The following ANKS1B variants were observed in gnomAD, a reference collection of about 807,000 sequenced individuals.
ANKS1B encodes ankyrin repeat and sterile alpha motif domain containing 1B, also known as ankyrin repeat and sterile alpha motif domain-containing protein 1B.
In ANKS1B, 36 loss-of-function variants were observed where a neutral mutation model predicts 148.3. That is an observed-to-expected ratio of 0.24 (90% confidence interval 0.19 to 0.32). The LOEUF (loss-of-function observed/expected upper bound fraction) is 0.32. ANKS1B is among the 10% of genes least tolerant of loss of function. The pLI is 1.00. For synonymous variants in ANKS1B, 542 were observed against 560.8 expected (o/e 0.97, Z 0.47); for missense variants, 1,157 against 1,542.6 (o/e 0.75, Z 4.19).
At chr12:99,704,450 C>T (rs11110008) in intron 8 of ANKS1B, among the ~76,000 whole-genome samples, 29,186 of 151,990 alleles carry the variant, frequency 0.19, 3,433 homozygotes, top group East Asian at 0.51. Flanking sequence ...TTCTCTGAAA[C>T]AGTCTAGAAA....
At chr12:99,958,810 G>A (rs1445554029) in intron 1 of ANKS1B, among the ~76,000 whole-genome samples, 1 of 152,146 alleles carries the variant, frequency 6.6e-6, no homozygotes, top group Non-Finnish European at 1.5e-5. Context: ...AAAACGTCAG[G>A]CATGGCTCTA....
chr12:99,764,361 T>C (rs888688192), intron 8 of ANKS1B, among the ~76,000 whole-genome samples: 2 of 152,176 alleles, frequency 1.3e-5, no homozygotes, highest in African/African-American at 4.8e-5. Context: ...GTAGGGATAA[T>C]ATATATAGAC....
chr12:99,094,268 GT>G (rs1304929469), intron 15 of ANKS1B, among the ~76,000 whole-genome samples: 1 of 152,154 alleles, frequency 6.6e-6, no homozygotes, highest in Non-Finnish European at 1.5e-5. Flanking sequence ...ATTTAGCAAA[GT>G]TTTACTATAT....
At chr12:99,207,399 T>C (rs972887690) in intron 14 of ANKS1B, among the ~76,000 whole-genome samples, 2 of 150,570 alleles carry the variant, frequency 1.3e-5, no homozygotes, top group Non-Finnish European at 3.0e-5. Context: ...ATATCAGTCA[T>C]TCTTAACAAA....
At chr12:99,679,029 T>G (rs2098598625) in intron 8 of ANKS1B, among the ~76,000 whole-genome samples, 1 of 152,156 alleles carries the variant, frequency 6.6e-6, no homozygotes, top group African/African-American at 2.4e-5. Context: ...TAAAGTTCAG[T>G]TGAGAAAATG....
intron 12 of ANKS1B, among the ~76,000 whole-genome samples, chr12:99,299,258 G>A (rs1045823467): frequency 4.0e-5 from 6 of 151,872 alleles, no homozygotes; most frequent in East Asian, 1.9e-4. Context: ...ACGAGGTCTC[G>A]CTATGTTGTC....
intron 4 of ANKS1B, among the ~76,000 whole-genome samples, chr12:99,805,286 A>AAAAAAAAAAAAAAAAAAC (rs2067489354): frequency 1.3e-5 from 2 of 149,214 alleles, no homozygotes; most frequent in Non-Finnish European, 3.0e-5. Context: ...AAAAAAAAAA[A>AAAAAAAAAAAAAAAAAAC]AAGACTAACC....
chr12:99,455,812 C>G (rs1340918464), intron 10 of ANKS1B, among the ~76,000 whole-genome samples: 2 of 152,110 alleles, frequency 1.3e-5, no homozygotes, highest in Non-Finnish European at 2.9e-5. Context: ...CCTGTCCCCA[C>G]TTGATGGTTA....
At chr12:99,092,691 T>C (rs1379224795) in intron 15 of ANKS1B, among the ~76,000 whole-genome samples, 1 of 152,134 alleles carries the variant, frequency 6.6e-6, no homozygotes, top group Admixed American at 6.5e-5. Context: ...TCACTGTAGA[T>C]GCTGATGCAG....
intron 17 of ANKS1B, among the ~76,000 whole-genome samples, chr12:98,974,690 A>G (rs2099889551): frequency 6.6e-6 from 1 of 152,166 alleles, no homozygotes; most frequent in Admixed American, 6.5e-5. Context: ...GCATGAGATG[A>G]GTCCAGGTAG....
At chr12:99,455,132 TG>T (rs1567133409) in intron 10 of ANKS1B, among the ~76,000 whole-genome samples, 1 of 152,158 alleles carries the variant, frequency 6.6e-6, no homozygotes, top group East Asian at 1.9e-4. Flanking sequence ...GTACTCTTAG[TG>T]GTCCCTGTAT....
intron 10 of ANKS1B, among the ~76,000 whole-genome samples, chr12:99,503,015 T>C (rs1407116083): frequency 6.6e-6 from 1 of 152,212 alleles, no homozygotes; most frequent in Non-Finnish European, 1.5e-5. Context: ...CGGTTTACTG[T>C]AGCCTTGACC....
intron 1 of ANKS1B, among the ~76,000 whole-genome samples, chr12:99,982,548 T>C (rs2095717893): frequency 6.6e-6 from 1 of 152,226 alleles, no homozygotes; most frequent in African/African-American, 2.4e-5. Flanking sequence ...TAATCATTTT[T>C]ATAACTGATG....
chr12:99,885,780 A>G (rs1451149833), intron 1 of ANKS1B, among the ~76,000 whole-genome samples: 1 of 152,016 alleles, frequency 6.6e-6, no homozygotes, highest in Non-Finnish European at 1.5e-5. Context: ...TGAGTCTTCA[A>G]TGTTCATTAT....
chr12:99,455,064 C>A (rs897582364), intron 10 of ANKS1B, among the ~76,000 whole-genome samples: 3 of 152,132 alleles, frequency 2.0e-5, no homozygotes, highest in Non-Finnish European at 4.4e-5. Flanking sequence ...GGTTTTGAGT[C>A]CCATTTTAGG....
chr12:99,317,989 C>A (rs1262958421), intron 12 of ANKS1B, among the ~76,000 whole-genome samples: 1 of 152,176 alleles, frequency 6.6e-6, no homozygotes, highest in African/African-American at 2.4e-5. Context: ...ATATGTTGAA[C>A]CAGCCTTGCA....
At chr12:99,830,669 A>G (rs907754687) in intron 1 of ANKS1B, among the ~76,000 whole-genome samples, 2 of 151,840 alleles carry the variant, frequency 1.3e-5, no homozygotes, top group Admixed American at 1.3e-4. Context: ...AACATCATTC[A>G]ATAAATAGTC....
chr12:99,592,836 C>A (rs2097716926), intron 9 of ANKS1B, among the ~76,000 whole-genome samples: 1 of 152,078 alleles, frequency 6.6e-6, no homozygotes. Context: ...AAAAACACAT[C>A]AGTCACATAC....
intron 22 of ANKS1B, among the ~76,000 whole-genome samples, chr12:98,791,096 C>T (rs956348575): frequency 6.6e-6 from 1 of 152,146 alleles, no homozygotes; most frequent in African/African-American, 2.4e-5. Context: ...CCTGTAATCC[C>T]AGCACTTTGG....
Sources: gnomAD v4.1 joint callset for allele counts (sites outside exome capture counted in the v4.1 genomes callset) on GRCh38, gnomAD v4.1.1 for gene constraint, MANE v1.5 for transcripts, NCBI Gene and HGNC (gene_info 2026-07-23, HGNC 2026-07-21) for gene names.